SLC4A4: variants seen among roughly 807,000 people sequenced by gnomAD.
SLC4A4 encodes the protein solute carrier family 4 member 4, also known as electrogenic sodium bicarbonate cotransporter 1.
A neutral mutation model predicts 111.5 loss-of-function variants in SLC4A4; 27 were observed. The observed-to-expected ratio is 0.24, with a 90% CI of 0.18 to 0.33. The LOEUF (loss-of-function observed/expected upper bound fraction) is 0.33. SLC4A4 is among the 10% of genes least tolerant of loss of function. The pLI, the probability that SLC4A4 is intolerant of heterozygous loss-of-function variation, is 1.00. For missense variants in SLC4A4, 909 were observed against 1,315.5 expected (o/e 0.69, Z 4.78); for synonymous variants, 443 against 463.4 (o/e 0.96, Z 0.57).
intron 3 of SLC4A4, among the ~76,000 whole-genome samples, chr4:71,272,303 T>C (rs915960901): frequency 2.6e-5 from 4 of 152,200 alleles, no homozygotes; most frequent in African/African-American, 9.7e-5. Flanking sequence ...TGTTATTGAA[T>C]ATTAAGCACT....
intron 1 of SLC4A4, among the ~76,000 whole-genome samples, chr4:71,224,826 A>G (rs1718955167): frequency 6.6e-6 from 1 of 152,216 alleles, no homozygotes. Context: ...AGAGTATAGT[A>G]GAGTGGTTAA....
chr4:71,221,495 A>G (rs1718742485), intron 1 of SLC4A4, among the ~76,000 whole-genome samples: 1 of 152,234 alleles, frequency 6.6e-6, no homozygotes, highest in Non-Finnish European at 1.5e-5. Context: ...TCATAGTTTA[A>G]AACAACTTTA....
upstream of SLC4A4, among the ~76,000 whole-genome samples, chr4:71,182,519 A>G (rs1745324197): frequency 6.6e-6 from 1 of 152,044 alleles, no homozygotes; most frequent in Non-Finnish European, 1.5e-5. Context: ...GTCCATAGGG[A>G]AACCTGTCTC....
chr4:71,309,995 T>G (rs1393420302), intron 3 of SLC4A4, among the ~76,000 whole-genome samples: 1 of 151,896 alleles, frequency 6.6e-6, no homozygotes, highest in Non-Finnish European at 1.5e-5. Flanking sequence ...ATAAATGACC[T>G]GATGGATCTG....
rs147975919 is a variant in SLC4A4 at position 71,120,939 on chromosome 4, G to A, written c.-2+28147G>A. Among the ~76,000 whole-genome samples the A allele has an allele frequency of 3.8e-3, 573 of 152,312 alleles. 3 individuals are homozygous for A. The highest frequency in any genetic ancestry group is 6.8e-3 in the Middle Eastern group (2 of 294). On this transcript the variant is annotated intron_variant, in intron 2 of 26. Coordinates refer to the SLC4A4 transcript ENST00000649996. Reference sequence around the variant, plus strand: ...GGGGAGGTGTGGAGGGAGAGGCGCCGGCAGGAACCAGGGCAGCACGCCGCC... The same window carrying A: ...GGGGAGGTGTGGAGGGAGAGGCGCCAGCAGGAACCAGGGCAGCACGCCGCC...
rs532781599 is a variant in SLC4A4 at position 71,239,242 on chromosome 4, A to G, written c.73+2593A>G. ...ACATAGAAGTTTACAATGTTTGTAAACATTCTTGGCAAAGTCAACTTAAAA... is the reference window on the plus strand; with the variant it reads ...ACATAGAAGTTTACAATGTTTGTAAGCATTCTTGGCAAAGTCAACTTAAAA... On this transcript the variant is annotated intron_variant, in intron 2 of 25. Transcript: ENST00000264485. Among the ~76,000 whole-genome samples, 6 of 152,302 alleles carry G rather than the reference A, an allele frequency of 3.9e-5. No individual in the cohort carries two copies. The East Asian group carries it at 1.2e-3, about 29-fold the overall frequency.
intron 6 of SLC4A4, among the ~76,000 whole-genome samples, chr4:71,387,302 A>G (rs146159328): frequency 2.0e-4 from 31 of 152,176 alleles, no homozygotes; most frequent in African/African-American, 7.2e-4. Flanking sequence ...TCTTCCAGAA[A>G]GTTTTTGGAG....
chr4:71,559,709 GT>G (rs937463704), intron 22 of SLC4A4, among the ~76,000 whole-genome samples: 16 of 151,732 alleles, frequency 1.1e-4, no homozygotes, highest in Non-Finnish European at 1.8e-4. Flanking sequence ...CCTTTATGAT[GT>G]TTTAATTTTT....
chr4:71,517,434 G>T (rs1732510971), intron 16 of SLC4A4, among the ~76,000 whole-genome samples: 1 of 151,348 alleles, frequency 6.6e-6, no homozygotes, highest in South Asian at 2.1e-4. Flanking sequence ...ATTTCTATTT[G>T]TTTTTCTTTT....
chr4:71,216,201 T>C (rs1250033336), intron 1 of SLC4A4, among the ~76,000 whole-genome samples: 1 of 152,142 alleles, frequency 6.6e-6, no homozygotes, highest in African/African-American at 2.4e-5. Context: ...GAGCCACAAC[T>C]CCCAGCTATC....
At chr4:71,394,242 C>T (rs1176553645) in intron 6 of SLC4A4, among the ~76,000 whole-genome samples, 1 of 151,942 alleles carries the variant, frequency 6.6e-6, no homozygotes, top group Non-Finnish European at 1.5e-5. Flanking sequence ...AGAAACTCTC[C>T]ACATTCTACA....
At chr4:71,455,061 A>G (rs1054004468) in intron 12 of SLC4A4, among the ~76,000 whole-genome samples, 1 of 152,234 alleles carries the variant, frequency 6.6e-6, no homozygotes, top group Non-Finnish European at 1.5e-5. Context: ...CTCATGCTCC[A>G]TCAGAAAGAG....
chr4:71,337,459 T>C (rs1728522610), intron 3 of SLC4A4, among the ~76,000 whole-genome samples: 1 of 152,184 alleles, frequency 6.6e-6, no homozygotes, highest in Admixed American at 6.5e-5. Context: ...TGGTATTTCA[T>C]TGTGTAGTTG....
At chr4:71,088,348 C>G (rs1231623360) in intron 1 of SLC4A4, among the ~76,000 whole-genome samples, 2 of 151,802 alleles carry the variant, frequency 1.3e-5, no homozygotes, top group Non-Finnish European at 2.9e-5. Flanking sequence ...TGGGTCTTGA[C>G]TCTTTATCCA....
At chr4:71,130,862 A>C (rs1021030160) in intron 2 of SLC4A4, among the ~76,000 whole-genome samples, 1 of 152,118 alleles carries the variant, frequency 6.6e-6, no homozygotes, top group Admixed American at 6.6e-5. Flanking sequence ...CTGAGGGGAG[A>C]TATCTTTGTA....
At chr4:71,453,345 T>G (rs1383212280) in intron 11 of SLC4A4, 150 bp from the exon 12 acceptor site, 1 of 795,346 alleles carries the variant, frequency 1.3e-6, no homozygotes, top group Non-Finnish European at 2.1e-6. Flanking sequence ...CCTTTATAGT[T>G]TTCTGGTTTC....
chr4:71,225,944 A>G (rs761361737), intron 1 of SLC4A4, among the ~76,000 whole-genome samples: 1 of 152,268 alleles, frequency 6.6e-6, no homozygotes, highest in Non-Finnish European at 1.5e-5. Flanking sequence ...GTGTATAAAC[A>G]TAAAACTAAG....
At chr4:71,486,026 G>T (rs1445319522) in intron 14 of SLC4A4, among the ~76,000 whole-genome samples, 1 of 151,506 alleles carries the variant, frequency 6.6e-6, no homozygotes, top group Non-Finnish European at 1.5e-5. Context: ...CAAGCTAGTG[G>T]CTCAGAGGGA....
intron 10 of SLC4A4, 69 bp from the exon 11 acceptor site, chr4:71,451,119 C>A: frequency 9.9e-7 from 1 of 1,009,144 alleles, no homozygotes; most frequent in Non-Finnish European, 1.6e-6. Context: ...TTAGCCAGAG[C>A]ATGATACAGC....
Sources: gnomAD v4.1 joint callset for allele counts (sites outside exome capture counted in the v4.1 genomes callset) on GRCh38, gnomAD v4.1.1 for gene constraint, MANE v1.5 for transcripts, NCBI Gene and HGNC (gene_info 2026-07-23, HGNC 2026-07-21) for gene names.